MYO1E: variants seen among roughly 807,000 people sequenced by gnomAD.
MYO1E encodes the protein unconventional myosin-Ie.
Under a neutral mutation model 151.1 loss-of-function variants are expected in MYO1E, and 68 were observed. That is an observed-to-expected ratio of 0.45 (90% CI 0.37 to 0.55). The LOEUF (loss-of-function observed/expected upper bound fraction) is 0.55, where lower values mean the gene tolerates loss of function less well. Ranked by LOEUF, MYO1E falls within the 20% of genes least tolerant of loss-of-function variation. The pLI is 0.00. For synonymous variants in MYO1E, 601 were observed against 501.7 expected, an observed-to-expected ratio of 1.20 and a Z score of -2.64; for missense variants, 1,363 against 1,389.3, an observed-to-expected ratio of 0.98 and a Z score of 0.30.
At chr15:59,163,042 C>G in intron 23 of MYO1E, 115 bp downstream of exon 23, 1 of 1,244,746 alleles carries the variant, frequency 8.0e-7, no homozygotes. Context: ...TGGGGCCAGC[C>G]AGACCCCACT....
intron 8 of MYO1E, among the ~76,000 whole-genome samples, chr15:59,223,560 C>T (rs1232095181): frequency 1.3e-5 from 2 of 152,166 alleles, no homozygotes; most frequent in African/African-American, 4.8e-5. Context: ...ACAAAGTCTC[C>T]AAGTCCTGTC....
At chr15:59,207,275 T>C (rs1279061992) in intron 14 of MYO1E, 1 of 1,614,214 alleles carries the variant, frequency 6.2e-7, no homozygotes, top group Non-Finnish European at 8.5e-7. Context: ...GGTGAGACGA[T>C]GGATCTTCAA....
Position 59,136,554 on chromosome 15 carries a change from G to A in MYO1E, c.*826C>T, listed in dbSNP as rs1310319650. The A allele has an allele frequency of 8.3e-6, 3 of 361,408 alleles. No homozygotes were observed. The highest frequency in any genetic ancestry group is 1.7e-5 in the Non-Finnish European group (3 of 180,050). 22.4% of individuals were successfully genotyped at this position (361,408 alleles called of 1,614,324 possible). The stretch of plus-strand genomic sequence containing the variant: ...GTAAGAAAACCTACCTTATGAATGA[G>A]TACAGTGGAATACTACTTAGTACAT... On this transcript the variant is annotated 3_prime_UTR_variant, in exon 28 of 28. Coordinates refer to ENST00000288235, the MANE Select transcript of MYO1E (RefSeq NM_004998.4).
At position 59,230,776 on chromosome 15, in the gene MYO1E, T is replaced by C. The variant is rs189449004; in HGVS notation, c.510+926A>G. 1.1e-4 allele frequency among the ~76,000 whole-genome samples: 17 copies of C among 152,312 alleles called. No individual in the cohort carries two copies. In the East Asian group the frequency reaches 1.3e-3, roughly 12 times the overall value. Reference sequence around the variant, plus strand: ...TGGAAATAGAAGCTTCTTTCCAAAATAGACAGTGGAAAAGAAAATTGTTTT... The same window carrying C: ...TGGAAATAGAAGCTTCTTTCCAAAACAGACAGTGGAAAAGAAAATTGTTTT... On this transcript the variant is annotated intron_variant, in intron 6 of 27. Coordinates refer to ENST00000288235, the MANE Select transcript of MYO1E (RefSeq NM_004998.4).
At chr15:59,163,062 G>T (rs1235383218) in intron 23 of MYO1E, 95 bp downstream of exon 23, 12 of 1,430,624 alleles carry the variant, frequency 8.4e-6, no homozygotes, top group African/African-American at 5.7e-5. Context: ...TCTTCTCCTC[G>T]CAGGCCTCCT....
chr15:59,253,068 A>G (rs1472513503), intron 4 of MYO1E, among the ~76,000 whole-genome samples: 1 of 152,246 alleles, frequency 6.6e-6, no homozygotes, highest in African/African-American at 2.4e-5. Context: ...GTTCAACAAC[A>G]GGATCATTTC....
intron 4 of MYO1E, among the ~76,000 whole-genome samples, chr15:59,238,054 T>G (rs2140358980): frequency 6.6e-6 from 1 of 152,194 alleles, no homozygotes; most frequent in Middle Eastern, 3.4e-3. Context: ...GTCACATGAA[T>G]AAGAAAACCA....
chr15:59,225,796 A>G lies in MYO1E; in HGVS notation c.643-973T>C, dbSNP rs192558516. 5.5e-3 allele frequency among the ~76,000 whole-genome samples: 833 copies of G among 151,726 alleles called. 27 individuals carry two copies. The highest frequency in any genetic ancestry group is 0.046 in the Admixed American group (700 of 15,254). The stretch of plus-strand genomic sequence containing the variant: ...TGAGTAGCTGGGACTACAGGCGCCC[A>G]CCACCACGGCCAGCTAATTTTTTGT... On this transcript the variant is annotated intron_variant, in intron 7 of 27. Transcript: ENST00000288235.
chr15:59,347,233 G>C (rs2080799272), intron 1 of MYO1E, among the ~76,000 whole-genome samples: 1 of 152,166 alleles, frequency 6.6e-6, no homozygotes, highest in Admixed American at 6.5e-5. Context: ...GAAGCACAAA[G>C]CCCATTGTGA....
Position 59,335,201 on chromosome 15 carries a change from T to C in MYO1E, c.3+37297A>G, listed in dbSNP as rs749828389. On this transcript the variant is annotated intron_variant, in intron 1 of 27. Transcript: ENST00000288235. ...TGGCTTTATATTTTTATTATTAAAG[T>C]GCAATTTTGACGTTCAAATTTAAGA... Among the ~76,000 whole-genome samples, 91 of 152,184 alleles carry C rather than the reference T, an allele frequency of 6.0e-4. 2 individuals are homozygous for C. The highest frequency in any genetic ancestry group is 1.0e-3 in the South Asian group (5 of 4,826).
chr15:59,179,679 C>G (rs1309312472), intron 18 of MYO1E, among the ~76,000 whole-genome samples: 1 of 152,190 alleles, frequency 6.6e-6, no homozygotes, highest in Non-Finnish European at 1.5e-5. Flanking sequence ...TTGAATCCCT[C>G]TCTGTCTCTT....
intron 18 of MYO1E, among the ~76,000 whole-genome samples, chr15:59,182,879 G>C (rs2140322418): frequency 6.6e-6 from 1 of 152,310 alleles, no homozygotes; most frequent in Admixed American, 6.5e-5. Flanking sequence ...TTTTTCTATG[G>C]ACGGGGTTGT....
At chr15:59,238,962 T>C (rs1007749659) in intron 4 of MYO1E, among the ~76,000 whole-genome samples, 9 of 151,594 alleles carry the variant, frequency 5.9e-5, no homozygotes, top group African/African-American at 1.9e-4. Context: ...TCCTAGCACT[T>C]TGGGAGGCCA....
At chr15:59,270,542 TAAAA>T (rs777284445) in intron 2 of MYO1E, among the ~76,000 whole-genome samples, 1 of 104,858 alleles carries the variant, frequency 9.5e-6, no homozygotes, top group African/African-American at 3.6e-5. Context: ...GACCCTGTCT[TAAAA>T]AAAAAAAAAA....
chr15:59,220,999 T>G (rs1354312680), intron 9 of MYO1E, among the ~76,000 whole-genome samples: 1 of 145,204 alleles, frequency 6.9e-6, no homozygotes, highest in Admixed American at 6.9e-5. Flanking sequence ...ATATATATAA[T>G]TATATATATA....
At chr15:59,314,253 C>CTT (rs1281744330) in intron 1 of MYO1E, among the ~76,000 whole-genome samples, 2 of 152,194 alleles carry the variant, frequency 1.3e-5, no homozygotes, top group African/African-American at 4.8e-5. Context: ...ATATGAATGA[C>CTT]AACTCTGTGC....
intron 17 of MYO1E, among the ~76,000 whole-genome samples, chr15:59,189,492 CCTTT>C (rs2079720178): frequency 7.0e-6 from 1 of 142,754 alleles, no homozygotes; most frequent in South Asian, 2.2e-4. Context: ...AACTTTCTTT[CCTTT>C]CTTTTTCTTT....
At chr15:59,277,944 C>G (rs1306192625) in intron 1 of MYO1E, among the ~76,000 whole-genome samples, 1 of 152,128 alleles carries the variant, frequency 6.6e-6, no homozygotes. Flanking sequence ...AGAAATGTAA[C>G]CTTTATTTTC....
chr15:59,204,169 G>A (rs1406412578), intron 15 of MYO1E, among the ~76,000 whole-genome samples: 1 of 152,190 alleles, frequency 6.6e-6, no homozygotes, highest in African/African-American at 2.4e-5. Flanking sequence ...ACATCTCAGA[G>A]AAGAACAAAT....
Sources: allele counts gnomAD v4.1 joint callset (sites outside exome capture counted in the v4.1 genomes callset), GRCh38; gene constraint gnomAD v4.1.1; transcripts MANE v1.5; gene names NCBI Gene and HGNC (gene_info 2026-07-23, HGNC 2026-07-21).